The following ASTN2 variants were observed in gnomAD, a reference collection of about 807,000 sequenced individuals.
ASTN2 encodes astrotactin 2, also known as astrotactin-2.
In ASTN2, 54 loss-of-function variants were observed where a neutral mutation model predicts 139.8. The observed-to-expected ratio is 0.39, with a 90% CI of 0.31 to 0.48. The LOEUF is 0.48. ASTN2 is among the 20% of genes least tolerant of loss of function. The probability of loss-of-function intolerance (pLI) is 0.95; values close to 1 mark genes in which losing one functional copy is unlikely to be tolerated. For synonymous variants in ASTN2, 756 were observed against 719.5 expected, an observed-to-expected ratio of 1.05 and a Z score of -0.81; for missense variants, 1,565 against 1,725.1, an observed-to-expected ratio of 0.91 and a Z score of 1.64.
Position 116,966,223 on chromosome 9 carries a change from C to T in ASTN2, c.1889+8985G>A, listed in dbSNP as rs1014483205. On this transcript the variant is annotated intron_variant, in intron 10 of 22. Transcript: ENST00000313400. ...AGTTTCACTGTATCTGCAAAGCTTTCTATAATTCAACATCAAATATTTATT... is the reference window on the plus strand; with the variant it reads ...AGTTTCACTGTATCTGCAAAGCTTTTTATAATTCAACATCAAATATTTATT... Among the ~76,000 whole-genome samples, 7 of 152,194 alleles carry T rather than the reference C, an allele frequency of 4.6e-5. No homozygotes were observed. In the East Asian group the frequency reaches 1.3e-3, roughly 29 times the overall value.
At chr9:117,313,544 C>A (rs111285392) in intron 1 of ASTN2, among the ~76,000 whole-genome samples, 2 of 152,220 alleles carry the variant, frequency 1.3e-5, no homozygotes, top group African/African-American at 4.8e-5. Context: ...CAGATGAGGA[C>A]TATGTGCAAT....
intron 19 of ASTN2, among the ~76,000 whole-genome samples, chr9:116,616,037 A>C (rs888874564): frequency 2.0e-5 from 3 of 152,224 alleles, no homozygotes; most frequent in Non-Finnish European, 4.4e-5. Context: ...TGTTCAATAT[A>C]GTACTAAAAT....
At chr9:117,070,092 T>G (rs1165297686) in intron 5 of ASTN2, among the ~76,000 whole-genome samples, 3 of 146,976 alleles carry the variant, frequency 2.0e-5, no homozygotes, top group African/African-American at 7.5e-5. Context: ...TTGATGCAGT[T>G]TCTTCCTAGT....
chr9:117,032,515 G>GTA (rs1838276116), intron 6 of ASTN2, among the ~76,000 whole-genome samples: 1 of 152,120 alleles, frequency 6.6e-6, no homozygotes, highest in African/African-American at 2.4e-5. Context: ...TTTAAATAAA[G>GTA]TGCTTGGCAG....
chr9:117,281,257 C>A (rs892564900), intron 2 of ASTN2, among the ~76,000 whole-genome samples: 1 of 152,118 alleles, frequency 6.6e-6, no homozygotes, highest in Non-Finnish European at 1.5e-5. Context: ...GATCTCTCGC[C>A]TCATTTACAG....
intron 2 of ASTN2, among the ~76,000 whole-genome samples, chr9:117,232,848 A>T (rs775633299): frequency 6.7e-6 from 1 of 149,984 alleles, no homozygotes; most frequent in African/African-American, 2.5e-5. Flanking sequence ...CCTTTTATCC[A>T]TACAGTTCTG....
intron 1 of ASTN2, among the ~76,000 whole-genome samples, chr9:117,379,756 T>G (rs1275883224): frequency 6.6e-6 from 1 of 152,026 alleles, no homozygotes; most frequent in Non-Finnish European, 1.5e-5. Context: ...GAAGATAAAA[T>G]AAGAAGAAAG....
chr9:116,706,895 AT>A (rs1828002518), intron 16 of ASTN2, among the ~76,000 whole-genome samples: 1 of 150,352 alleles, frequency 6.7e-6, no homozygotes, highest in Admixed American at 6.7e-5. Flanking sequence ...ATTTTTGATA[AT>A]TGGCATTTAA....
intron 10 of ASTN2, among the ~76,000 whole-genome samples, chr9:116,873,098 A>G (rs1833208044): frequency 6.6e-6 from 1 of 152,256 alleles, no homozygotes; most frequent in Non-Finnish European, 1.5e-5. Flanking sequence ...TAATATGCCA[A>G]TAAATGGTTT....
intron 1 of ASTN2, among the ~76,000 whole-genome samples, chr9:117,292,191 C>T (rs1014784335): frequency 6.6e-6 from 1 of 152,156 alleles, no homozygotes; most frequent in African/African-American, 2.4e-5. Flanking sequence ...TCTCATATAG[C>T]CAGTGAGGAG....
At chr9:116,581,004 T>C (rs1853926692) in intron 19 of ASTN2, among the ~76,000 whole-genome samples, 1 of 151,928 alleles carries the variant, frequency 6.6e-6, no homozygotes, top group South Asian at 2.1e-4. Context: ...CAATTACAAG[T>C]GAATTGAAGT....
chr9:117,294,817 G>A (rs918291129), intron 1 of ASTN2, among the ~76,000 whole-genome samples: 1 of 152,106 alleles, frequency 6.6e-6, no homozygotes, highest in African/African-American at 2.4e-5. Context: ...ACTCCCACTT[G>A]TCTCAGGCCA....
chr9:116,453,910 A>G (rs1173101790), intron 20 of ASTN2, among the ~76,000 whole-genome samples: 1 of 152,204 alleles, frequency 6.6e-6, no homozygotes, highest in Non-Finnish European at 1.5e-5. Context: ...ATAGTTAAGA[A>G]AACTAGAAAC....
intron 19 of ASTN2, among the ~76,000 whole-genome samples, chr9:116,504,068 G>A (rs772589475): frequency 3.9e-5 from 6 of 152,148 alleles, no homozygotes; most frequent in Non-Finnish European, 8.8e-5. Context: ...TCATTGTACA[G>A]ACAGGAAAAC....
At chr9:116,931,255 A>G (rs1270301516) in intron 10 of ASTN2, among the ~76,000 whole-genome samples, 1 of 152,146 alleles carries the variant, frequency 6.6e-6, no homozygotes, top group East Asian at 1.9e-4. Context: ...CTTTCCTGCC[A>G]TCGGCCTATC....
chr9:116,862,833 CACACACACAT>C (rs763885455), intron 11 of ASTN2, among the ~76,000 whole-genome samples: 2,511 of 101,102 alleles, frequency 0.025, 31 homozygotes, highest in Non-Finnish European at 0.03. Flanking sequence ...CACACACACA[CACACACACAT>C]ACACGTTAAA....
chr9:116,798,652 C>A (rs1156851294), intron 13 of ASTN2, among the ~76,000 whole-genome samples: 3 of 152,196 alleles, frequency 2.0e-5, no homozygotes, highest in Non-Finnish European at 4.4e-5. Context: ...TGTCTCTGTC[C>A]AATCCTTTGA....
At chr9:117,027,761 T>C (rs1003314071) in intron 6 of ASTN2, among the ~76,000 whole-genome samples, 5 of 152,202 alleles carry the variant, frequency 3.3e-5, no homozygotes, top group African/African-American at 1.2e-4. Context: ...CTACCTTCCA[T>C]AGTAGCCTTT....
intron 16 of ASTN2, among the ~76,000 whole-genome samples, chr9:116,724,480 G>C (rs1433739834): frequency 2.0e-5 from 3 of 152,154 alleles, no homozygotes; most frequent in Non-Finnish European, 4.4e-5. Flanking sequence ...GGTGGACTAG[G>C]GTTTTATCCA....
Sources: gnomAD v4.1 joint callset for allele counts (sites outside exome capture counted in the v4.1 genomes callset) on GRCh38, gnomAD v4.1.1 for gene constraint, MANE v1.5 for transcripts, NCBI Gene and HGNC (gene_info 2026-07-23, HGNC 2026-07-21) for gene names.